The following SPIDR variants were observed in gnomAD, a reference collection of about 807,000 sequenced individuals.
The protein encoded by SPIDR is DNA repair-scaffolding protein.
SPIDR carries 93 observed loss-of-function variants against 104.6 expected under a neutral mutation model. The ratio of observed to expected loss-of-function variants is 0.89; its 90% CI spans 0.75 to 1.06. The LOEUF is 1.06. SPIDR is among the 50% of genes least tolerant of loss of function. The pLI is 0.00. For synonymous variants in SPIDR, 431 were observed against 416.9 expected (o/e 1.03, Z -0.41); for missense variants, 1,154 against 1,111.2 (o/e 1.04, Z -0.55).
In SPIDR at chr8:47,424,796, C is replaced by T. The variant is rs2066153264; in HGVS notation, c.878-15527C>T. Among the ~76,000 whole-genome samples, 4 of 152,142 alleles carry T rather than the reference C, an allele frequency of 2.6e-5. No individual in the cohort carries two copies. In the South Asian group the frequency reaches 8.3e-4, roughly 32 times the overall value. ...TGTTGTGCAGGCTGGAGTGCAGTGG[C>T]GCAGCCTTGGCTCACTGTAACCTCC... On this transcript the variant is annotated intron_variant, in intron 7 of 19. Coordinates refer to ENST00000297423, the MANE Select transcript of SPIDR (RefSeq NM_001080394.4).
intron 6 of SPIDR, among the ~76,000 whole-genome samples, chr8:47,397,054 A>G (rs2061325991): frequency 6.6e-6 from 1 of 152,194 alleles, no homozygotes; most frequent in African/African-American, 2.4e-5. Flanking sequence ...GCCATGAACT[A>G]CAGTGTCAGT....
At chr8:47,411,360 T>C (rs2063499911) in intron 7 of SPIDR, among the ~76,000 whole-genome samples, 1 of 152,246 alleles carries the variant, frequency 6.6e-6, no homozygotes, top group Non-Finnish European at 1.5e-5. Context: ...TTCTAACTGG[T>C]GTGACATGGT....
chr8:47,646,997 C>T (rs1456934687), intron 10 of SPIDR, among the ~76,000 whole-genome samples: 2 of 152,086 alleles, frequency 1.3e-5, no homozygotes, highest in Non-Finnish European at 2.9e-5. Flanking sequence ...TACACATAAA[C>T]GCTGTTCTTC....
chr8:47,607,346 A>G (rs2063086820), intron 10 of SPIDR, among the ~76,000 whole-genome samples: 1 of 152,074 alleles, frequency 6.6e-6, no homozygotes, highest in South Asian at 2.1e-4. Context: ...AAACCTTTTA[A>G]TCTCAGCTGC....
intron 8 of SPIDR, among the ~76,000 whole-genome samples, chr8:47,554,312 G>A (rs1242472188): frequency 6.6e-6 from 1 of 152,160 alleles, no homozygotes; most frequent in Non-Finnish European, 1.5e-5. Flanking sequence ...GCAGAAATTG[G>A]CTGCTGCCTT....
chr8:47,499,425 T>A (rs746270643), intron 8 of SPIDR, among the ~76,000 whole-genome samples: 36 of 152,280 alleles, frequency 2.4e-4, no homozygotes, highest in Non-Finnish European at 4.7e-4. Context: ...CAAGCAGACT[T>A]GAATCCCTGG....
At chr8:47,389,123 T>C (rs551015617) in intron 5 of SPIDR, among the ~76,000 whole-genome samples, 7 of 152,212 alleles carry the variant, frequency 4.6e-5, no homozygotes, top group Non-Finnish European at 8.8e-5. Context: ...AGCTACATAG[T>C]CATTCTTTGC....
intron 10 of SPIDR, among the ~76,000 whole-genome samples, chr8:47,645,946 A>G (rs1248110498): frequency 6.6e-6 from 1 of 152,226 alleles, no homozygotes; most frequent in East Asian, 1.9e-4. Flanking sequence ...TTGATTTTTC[A>G]AGATTTTTCT....
At chr8:47,470,225 T>G (rs1476229912) in intron 8 of SPIDR, among the ~76,000 whole-genome samples, 2 of 152,148 alleles carry the variant, frequency 1.3e-5, no homozygotes, top group African/African-American at 4.8e-5. Flanking sequence ...TGGCATAGAA[T>G]AGAGGGCCCA....
At chr8:47,339,109 C>T (rs1473823664) in intron 5 of SPIDR, among the ~76,000 whole-genome samples, 2 of 152,076 alleles carry the variant, frequency 1.3e-5, no homozygotes, top group African/African-American at 2.4e-5. Flanking sequence ...TTAACATTTC[C>T]GTTTTAAATA....
intron 8 of SPIDR, among the ~76,000 whole-genome samples, chr8:47,565,994 T>TATATATATATA (rs1358462620): frequency 3.9e-5 from 1 of 25,958 alleles, no homozygotes; most frequent in Non-Finnish European, 9.2e-5. Flanking sequence ...ATATATATAT[T>TATATATATATA]TTTTTTTTTT....
chr8:47,317,988 T>C (rs1292956855), intron 5 of SPIDR, among the ~76,000 whole-genome samples: 1 of 151,856 alleles, frequency 6.6e-6, no homozygotes, highest in African/African-American at 2.4e-5. Flanking sequence ...ACCACAAAGA[T>C]GGAGAAAAAA....
intron 14 of SPIDR, among the ~76,000 whole-genome samples, chr8:47,711,121 CTA>C (rs1042457296): frequency 6.6e-5 from 10 of 152,266 alleles, no homozygotes; most frequent in African/African-American, 2.4e-4. Flanking sequence ...CAAGTTATAT[CTA>C]TTACTGTATT....
At chr8:47,346,010 T>A (rs564038837) in intron 5 of SPIDR, among the ~76,000 whole-genome samples, 49 of 152,206 alleles carry the variant, frequency 3.2e-4, no homozygotes, top group Non-Finnish European at 5.7e-4. Flanking sequence ...GTTGAATACA[T>A]GTGGTGAGAG....
intron 5 of SPIDR, among the ~76,000 whole-genome samples, chr8:47,351,057 T>C (rs549920604): frequency 2.0e-5 from 3 of 152,336 alleles, no homozygotes; most frequent in Non-Finnish European, 4.4e-5. Flanking sequence ...TGGTCTGTTA[T>C]CAGATTGACT....
At chr8:47,448,371 A>G (rs566150487) in intron 8 of SPIDR, among the ~76,000 whole-genome samples, 46 of 152,260 alleles carry the variant, frequency 3.0e-4, no homozygotes, top group African/African-American at 1.1e-3. Flanking sequence ...GACTTTGTTG[A>G]TTTGTACATT....
rs938923739 is a variant in SPIDR at position 47,537,903 on chromosome 8, A to G, written c.1098-57908A>G. ...AAAGAATGAAAAAACAGGGCCAGACATGGTGGCTCACACCTGTAATCCCAA... is the reference window on the plus strand; with the variant it reads ...AAAGAATGAAAAAACAGGGCCAGACGTGGTGGCTCACACCTGTAATCCCAA... On this transcript the variant is annotated intron_variant, in intron 8 of 19. Transcript: ENST00000297423. Among the ~76,000 whole-genome samples the G allele has an allele frequency of 3.3e-5, 5 of 152,200 alleles. No homozygotes were observed. In the South Asian group the frequency reaches 8.3e-4, roughly 25 times the overall value.
chr8:47,367,831 T>G (rs1486650176), intron 5 of SPIDR, among the ~76,000 whole-genome samples: 2 of 152,138 alleles, frequency 1.3e-5, no homozygotes, highest in Non-Finnish European at 2.9e-5. Flanking sequence ...GAAGGAATTG[T>G]GAAATGCTAG....
At chr8:47,541,305 C>T (rs1230470264) in intron 8 of SPIDR, among the ~76,000 whole-genome samples, 4 of 152,220 alleles carry the variant, frequency 2.6e-5, no homozygotes, top group Non-Finnish European at 5.9e-5. Flanking sequence ...TTGCTCATGT[C>T]TATACCACCA....
Sources: gnomAD v4.1 joint callset for allele counts (sites outside exome capture counted in the v4.1 genomes callset) on GRCh38, gnomAD v4.1.1 for gene constraint, MANE v1.5 for transcripts, NCBI Gene and HGNC (gene_info 2026-07-23, HGNC 2026-07-21) for gene names.